ENOX1: variants seen among roughly 807,000 people sequenced by gnomAD.
ENOX1 encodes candidate growth-related and time keeping constitutive hydroquinone (NADH) oxidase.
ENOX1 carries 42 observed loss-of-function variants against 82.5 expected under a neutral mutation model. The ratio of observed to expected loss-of-function variants is 0.51; its 90% CI spans 0.40 to 0.66. The LOEUF is 0.66. Among genes scored for constraint, ENOX1 ranks in the 30% least tolerant of loss-of-function variants. The pLI, the probability that ENOX1 is intolerant of heterozygous loss-of-function variation, is 0.00. For synonymous variants in ENOX1, 271 were observed against 282.2 expected, an observed-to-expected ratio of 0.96 and a Z score of 0.40; for missense variants, 608 against 811.6, an observed-to-expected ratio of 0.75 and a Z score of 3.05.
In ENOX1 at chr13:43,329,275, A is replaced by G. The variant is rs540482086; in HGVS notation, c.1037-2750T>C. Reference sequence around the variant, plus strand: ...CTTTATATTGTAGGATTGGCTTGGGAGAAATTACAAAGGAATGAATTAAGG... The same window carrying G: ...CTTTATATTGTAGGATTGGCTTGGGGGAAATTACAAAGGAATGAATTAAGG... On this transcript the variant is annotated intron_variant, in intron 9 of 16. Coordinates refer to ENST00000690772, the MANE Select transcript of ENOX1 (RefSeq NM_001347969.2). Among the ~76,000 whole-genome samples, 12 of 152,312 alleles carry G rather than the reference A, an allele frequency of 7.9e-5. No individual in the cohort carries two copies. The South Asian group carries it at 2.5e-3, about 32-fold the overall frequency.
At chr13:43,238,785 A>C (rs1367402675) in intron 14 of ENOX1, among the ~76,000 whole-genome samples, 1 of 152,140 alleles carries the variant, frequency 6.6e-6, no homozygotes, top group African/African-American at 2.4e-5. Flanking sequence ...GGGCCAAATG[A>C]AATTATTCAG....
At chr13:43,311,260 T>C (rs1464446538) in intron 11 of ENOX1, among the ~76,000 whole-genome samples, 1 of 151,924 alleles carries the variant, frequency 6.6e-6, no homozygotes, top group East Asian at 1.9e-4. Flanking sequence ...TGAAGCCAGA[T>C]ACCAGCTATG....
intron 2 of ENOX1, among the ~76,000 whole-genome samples, chr13:43,539,720 CTAA>C (rs1397106605): frequency 1.3e-5 from 2 of 152,078 alleles, no homozygotes; most frequent in Non-Finnish European, 2.9e-5. Context: ...TAAATGCTTA[CTAA>C]TGTTTTGTGT....
At chr13:43,541,171 C>CTGTTTTT (rs1566485998) in intron 2 of ENOX1, among the ~76,000 whole-genome samples, 10 of 38,752 alleles carry the variant, frequency 2.6e-4, no homozygotes, top group Non-Finnish European at 6.1e-5. Context: ...CTTCTTCCCT[C>CTGTTTTT]TGTTTTTTTT....
chr13:43,223,325 G>A (rs1291389599), intron 16 of ENOX1, among the ~76,000 whole-genome samples: 1 of 152,120 alleles, frequency 6.6e-6, no homozygotes, highest in Non-Finnish European at 1.5e-5. Context: ...CCCGCTCCTG[G>A]GCTTCCCTAG....
intron 3 of ENOX1, among the ~76,000 whole-genome samples, chr13:43,448,067 C>A (rs1315465385): frequency 1.3e-5 from 2 of 152,166 alleles, no homozygotes; most frequent in Non-Finnish European, 2.9e-5. Context: ...AAATGTATAG[C>A]CACTGGAAAC....
chr13:43,519,336 G>A (rs1014826720), intron 2 of ENOX1, among the ~76,000 whole-genome samples: 6 of 152,078 alleles, frequency 3.9e-5, no homozygotes, highest in African/African-American at 1.4e-4. Context: ...TGGCTTACAG[G>A]ACTGCATTAA....
At chr13:43,713,406 A>G (rs1293706858) in intron 1 of ENOX1, among the ~76,000 whole-genome samples, 1 of 152,168 alleles carries the variant, frequency 6.6e-6, no homozygotes. Context: ...CGGCTTTGGT[A>G]CCAAGATGAT....
At chr13:43,663,193 C>T (rs2084816147) in intron 2 of ENOX1, among the ~76,000 whole-genome samples, 1 of 152,192 alleles carries the variant, frequency 6.6e-6, no homozygotes, top group African/African-American at 2.4e-5. Context: ...AGGATATAAG[C>T]ACTCTTTCAC....
chr13:43,445,769 G>C (rs971147669), intron 3 of ENOX1, among the ~76,000 whole-genome samples: 1 of 152,190 alleles, frequency 6.6e-6, no homozygotes, highest in Non-Finnish European at 1.5e-5. Flanking sequence ...ATCACCAAAA[G>C]CAAAAGAGCC....
intron 1 of ENOX1, among the ~76,000 whole-genome samples, chr13:43,783,395 A>G (rs557844642): frequency 6.6e-6 from 1 of 152,346 alleles, no homozygotes; most frequent in East Asian, 1.9e-4. Context: ...CTTGGTTGCA[A>G]ATGTTATGTA....
intron 2 of ENOX1, among the ~76,000 whole-genome samples, chr13:43,582,454 T>C (rs936074558): frequency 6.6e-6 from 1 of 152,166 alleles, no homozygotes; most frequent in Admixed American, 6.5e-5. Flanking sequence ...AATAAATAAA[T>C]TGAGAAGCTG....
At chr13:43,609,524 C>T in intron 2 of ENOX1, among the ~76,000 whole-genome samples, 1 of 152,114 alleles carries the variant, frequency 6.6e-6, no homozygotes, top group Non-Finnish European at 1.5e-5. Context: ...CTGATGCTGC[C>T]TCCTCTCATC....
At chr13:43,270,569 C>A (rs902146595) in intron 12 of ENOX1, among the ~76,000 whole-genome samples, 3 of 152,160 alleles carry the variant, frequency 2.0e-5, no homozygotes, top group African/African-American at 7.2e-5. Context: ...CCTGGAGAAA[C>A]ACTGGCACTG....
chr13:43,338,969 G>A (rs1230523399), intron 9 of ENOX1, among the ~76,000 whole-genome samples: 3 of 152,178 alleles, frequency 2.0e-5, no homozygotes, highest in Non-Finnish European at 4.4e-5. Flanking sequence ...ACAGGCGTGA[G>A]CCACCGTGCC....
chr13:43,470,734 G>T (rs902949282), intron 3 of ENOX1, among the ~76,000 whole-genome samples: 12 of 151,746 alleles, frequency 7.9e-5, no homozygotes, highest in African/African-American at 2.4e-4. Context: ...ACTTTACAGA[G>T]AAAATTATAT....
chr13:43,373,896 T>A (rs896462371), intron 5 of ENOX1, among the ~76,000 whole-genome samples: 4 of 152,356 alleles, frequency 2.6e-5, no homozygotes, highest in African/African-American at 9.6e-5. Context: ...TGGAGGAGCA[T>A]TCCTTAATGA....
intron 3 of ENOX1, among the ~76,000 whole-genome samples, chr13:43,463,709 C>T (rs1287095015): frequency 2.6e-5 from 4 of 152,128 alleles, no homozygotes; most frequent in South Asian, 4.1e-4. Flanking sequence ...CCGGCTGAAT[C>T]GAGGCTAGTA....
intron 5 of ENOX1, among the ~76,000 whole-genome samples, chr13:43,366,174 A>G (rs1367130081): frequency 6.6e-6 from 1 of 152,152 alleles, no homozygotes; most frequent in East Asian, 1.9e-4. Flanking sequence ...TTTTTCAAGC[A>G]TTCTTAAAAA....
Sources: gnomAD v4.1 joint callset for allele counts (sites outside exome capture counted in the v4.1 genomes callset) on GRCh38, gnomAD v4.1.1 for gene constraint, MANE v1.5 for transcripts, NCBI Gene and HGNC (gene_info 2026-07-23, HGNC 2026-07-21) for gene names.